NOD2: variants seen among roughly 807,000 people sequenced by gnomAD.
NOD2 encodes the protein nucleotide-binding oligomerization domain-containing protein 2.
In NOD2, 86 loss-of-function variants were observed where a neutral mutation model predicts 90.9. That is an observed-to-expected ratio of 0.95 (90% CI 0.79 to 1.13). NOD2 has a LOEUF of 1.13. NOD2 is among the 50% of genes most tolerant of loss of function. The pLI, the probability that NOD2 is intolerant of heterozygous loss-of-function variation, is 0.00. For missense variants in NOD2, 1,238 were observed against 1,283.8 expected (o/e 0.96, Z 0.55); for synonymous variants, 581 against 554.6 (o/e 1.05, Z -0.67).
intron 10 of NOD2, chr16:50,727,623 C>A: frequency 3.3e-6 from 1 of 307,538 alleles, no homozygotes; most frequent in Non-Finnish European, 6.5e-6. Flanking sequence ...AAATGGTAGT[C>A]AGTTGGCTAG....
rs104895461 is a variant in NOD2 at position 50,710,912 on chromosome 16, G to A, written c.920G>A (p.Arg307Gln). The change falls in exon 4 of 12, where the codon CGG becomes CAG. Residue 307 changes from arginine to glutamine, a missense_variant. Transcript: ENST00000647318. Reference protein sequence around the residue: ...EFLFVFPFSCRQLQCMAKPLS... With the variant: ...EFLFVFPFSCQQLQCMAKPLS... ...CTCTTTGTCTTCCCATTCAGCTGCC[G>A]GCAGCTGCAGTGCATGGCCAAACCA... 1 of 1,614,138 alleles carries A rather than the reference G, an allele frequency of 6.2e-7. No homozygotes were observed. Among genetic ancestry groups the A allele is most frequent in the Non-Finnish European group, 8.5e-7 (1 of 1,180,034 alleles).
chr16:50,707,634 T>G (rs1450429705), intron 2 of NOD2, among the ~76,000 whole-genome samples: 1 of 152,222 alleles, frequency 6.6e-6, no homozygotes, highest in African/African-American at 2.4e-5. Context: ...TTATTCACTG[T>G]TTTAGTGAGT....
At chr16:50,726,391 G>C (rs998182508) in intron 10 of NOD2, among the ~76,000 whole-genome samples, 3 of 152,234 alleles carry the variant, frequency 2.0e-5, no homozygotes, top group African/African-American at 7.2e-5. Context: ...CTCTGTGAGT[G>C]CCAGCTTTGC....
chr16:50,711,861 G>A lies in NOD2; in HGVS notation c.1869G>A (p.Gln623=), dbSNP rs1964532988. ...GGCTCCTGCCCACGATGTGCATCCA[G>A]GCCTCGGAGGGAAAGGACAGCAGCG... ...MARLLPTMCI[Q]ASEGKDSSVA... is the part of the protein sequence containing the mutation. Residue 623 remains glutamine, a synonymous_variant, in exon 4 of 12, where the codon CAG becomes CAA. Transcript: ENST00000647318. 3 of 1,611,416 alleles carry A rather than the reference G, an allele frequency of 1.9e-6. No individual in the cohort carries two copies. Among genetic ancestry groups the A allele is most frequent in the Non-Finnish European group, 2.5e-6 (3 of 1,177,870 alleles).
At chr16:50,714,175 T>C (rs754803197) in intron 4 of NOD2, among the ~76,000 whole-genome samples, 8 of 152,186 alleles carry the variant, frequency 5.3e-5, no homozygotes, top group Admixed American at 1.3e-4. Context: ...AATTCTTGAA[T>C]GGATCATCCA....
rs1965505566 is a variant in NOD2 at position 50,732,919 on chromosome 16, T to C, written c.*1100T>C. The C allele has an allele frequency of 6.6e-6, 1 of 152,398 alleles. No individual in the cohort carries two copies. Among genetic ancestry groups the C allele is most frequent in the South Asian group, 2.1e-4 (1 of 4,832 alleles). 9.4% of individuals were successfully genotyped at this position (152,398 alleles called of 1,614,324 possible). On this transcript the variant is annotated 3_prime_UTR_variant, in exon 12 of 12. Transcript: ENST00000647318. ...AGCCTTTGTAAATTGTCAGATGCTG[T>C]GCAAATGTTATTATTTTAAACATTA...
intron 7 of NOD2, among the ~76,000 whole-genome samples, chr16:50,720,575 C>T (rs1596894811): frequency 6.6e-6 from 1 of 152,332 alleles, no homozygotes; most frequent in East Asian, 1.9e-4. Context: ...GTACCCCAAC[C>T]TGCAGCCCCA....
chr16:50,727,430 C>G (rs1965305704), intron 10 of NOD2: 1 of 185,058 alleles, frequency 5.4e-6, no homozygotes, highest in African/African-American at 2.4e-5. Context: ...TAAAATACAT[C>G]TTTATTAATC....
At chr16:50,717,458 T>C (rs932744848) in intron 6 of NOD2, among the ~76,000 whole-genome samples, 1 of 151,898 alleles carries the variant, frequency 6.6e-6, no homozygotes, top group African/African-American at 2.4e-5. Context: ...TCAACAGGAG[T>C]CTCTCTCTCT....
intron 6 of NOD2, among the ~76,000 whole-genome samples, chr16:50,718,754 A>G (rs1031190852): frequency 2.0e-5 from 3 of 152,192 alleles, no homozygotes; most frequent in Non-Finnish European, 4.4e-5. Context: ...ATCCACATGA[A>G]GGGCTGCACC....
intron 2 of NOD2, among the ~76,000 whole-genome samples, chr16:50,703,932 C>CCTGCTTTGTACAGT (rs1964061605): frequency 6.6e-6 from 1 of 152,020 alleles, no homozygotes; most frequent in East Asian, 1.9e-4. Flanking sequence ...AGGAAAATGG[C>CCTGCTTTGTACAGT]CAGAGGAAGT....
chr16:50,705,271 C>G (rs1005971611), intron 2 of NOD2, among the ~76,000 whole-genome samples: 1 of 152,120 alleles, frequency 6.6e-6, no homozygotes. Flanking sequence ...ACTTAAGGAT[C>G]ATAAGATAGG....
intron 10 of NOD2, chr16:50,727,414 C>G (rs1965305221): frequency 1.1e-5 from 2 of 175,384 alleles, no homozygotes; most frequent in Non-Finnish European, 2.4e-5. Flanking sequence ...ATTATTATAA[C>G]TAGGCTAAAA....
At chr16:50,718,424 G>A (rs144368230) in intron 6 of NOD2, among the ~76,000 whole-genome samples, 182 of 152,336 alleles carry the variant, frequency 1.2e-3, no homozygotes, top group African/African-American at 4.3e-3. Context: ...TGGATGGCAC[G>A]TGATCAGAAT....
intron 10 of NOD2, 58 bp from the exon 11 acceptor site, chr16:50,729,760 C>A: frequency 6.9e-7 from 1 of 1,443,666 alleles, no homozygotes; most frequent in Non-Finnish European, 9.7e-7. Context: ...TTTAACTGGA[C>A]AGTTTCAAGA....
chr16:50,707,026 ATG>A (rs1964228316), intron 2 of NOD2, among the ~76,000 whole-genome samples: 1 of 152,308 alleles, frequency 6.6e-6, no homozygotes, highest in East Asian at 1.9e-4. Flanking sequence ...CATGGATTAC[ATG>A]TTGAAATGGT....
chr16:50,719,888 G>T (rs139126461), intron 6 of NOD2, 37 bp from the exon 7 acceptor site: 3 of 1,585,794 alleles, frequency 1.9e-6, no homozygotes, highest in Admixed American at 3.3e-5. Context: ...TCTGCCTGCC[G>T]CTGTGTTCTC....
rs150078153 is a variant in NOD2 at position 50,711,101 on chromosome 16, C to T, written c.1109C>T (p.Pro370Leu). The T allele has an allele frequency of 3.9e-4, 631 of 1,614,062 alleles. No individual in the cohort carries two copies. The highest frequency in any genetic ancestry group is 5.1e-4 in the Non-Finnish European group (598 of 1,180,032). The change falls in exon 4 of 12, where the codon CCG becomes CTG. Residue 370 changes from proline to leucine, a missense_variant. Physicochemically the swap from Pro to Leu is moderately conservative, Grantham distance 98. Transcript: ENST00000647318. ...ACGGATCGTGAACGCCACTGCTCCC[C>T]GACCGACCCCACCTCTGTCCAGACC... is the stretch of plus-strand genomic sequence containing the variant. The part of the protein sequence containing the change: ...RFTDRERHCS[P>L]TDPTSVQTLL...
At chr16:50,714,709 C>A in intron 4 of NOD2, among the ~76,000 whole-genome samples, 1 of 150,446 alleles carries the variant, frequency 6.6e-6, no homozygotes, top group African/African-American at 2.4e-5. Context: ...GGCTCCTCTC[C>A]CACAGTGCCA....
Sources: allele counts gnomAD v4.1 joint callset (sites outside exome capture counted in the v4.1 genomes callset), GRCh38; gene constraint gnomAD v4.1.1; transcripts MANE v1.5; gene names NCBI Gene and HGNC (gene_info 2026-07-23, HGNC 2026-07-21).